Variants in PDE10A observed in about 807,000 individuals in gnomAD.
PDE10A encodes the protein cAMP and cAMP-inhibited cGMP 3',5'-cyclic phosphodiesterase 10A.
A neutral mutation model predicts 97.7 loss-of-function variants in PDE10A; 39 were observed. That is an observed-to-expected ratio of 0.40 (90% CI 0.31 to 0.52). The LOEUF is 0.52. PDE10A is among the 20% of genes least tolerant of loss of function. The pLI is 0.56. For missense variants in PDE10A, 731 were observed against 1,047.8 expected (o/e 0.70, Z 4.17); for synonymous variants, 371 against 376.8 (o/e 0.98, Z 0.18).
At chr6:165,737,438 C>G (rs1792605555) in intron 1 of PDE10A, among the ~76,000 whole-genome samples, 1 of 152,156 alleles carries the variant, frequency 6.6e-6, no homozygotes, top group African/African-American at 2.4e-5. Flanking sequence ...GAGGATTATT[C>G]ACCATGATCA....
intron 1 of PDE10A, among the ~76,000 whole-genome samples, chr6:165,720,191 G>A (rs62424939): frequency 1.3e-5 from 2 of 152,194 alleles, no homozygotes; most frequent in South Asian, 2.1e-4. Flanking sequence ...GATGGGGAGA[G>A]GGGGAGAGAG....
chr6:165,363,254 C>T (rs988883581), intron 18 of PDE10A, among the ~76,000 whole-genome samples: 2 of 152,172 alleles, frequency 1.3e-5, no homozygotes, highest in Non-Finnish European at 2.9e-5. Flanking sequence ...CCATGACTCA[C>T]GCCTGTAATC....
intron 1 of PDE10A, among the ~76,000 whole-genome samples, chr6:165,937,321 T>C (rs1256057828): frequency 6.6e-6 from 1 of 152,252 alleles, no homozygotes; most frequent in Admixed American, 6.5e-5. Flanking sequence ...AGACATTAGC[T>C]AGCATACAGA....
At chr6:165,629,521 CT>C (rs35760840) in intron 1 of PDE10A, among the ~76,000 whole-genome samples, 4,482 of 131,576 alleles carry the variant, frequency 0.034, 226 homozygotes, top group African/African-American at 0.11. Context: ...TATTAACAAC[CT>C]TTTTTTTTTT....
At chr6:165,585,770 C>T (rs1785874299) in intron 1 of PDE10A, among the ~76,000 whole-genome samples, 1 of 152,098 alleles carries the variant, frequency 6.6e-6, no homozygotes, top group Non-Finnish European at 1.5e-5. Context: ...CCACAGGAAA[C>T]TAATATAGGT....
At chr6:165,726,681 C>T (rs924234162) in intron 1 of PDE10A, among the ~76,000 whole-genome samples, 7 of 152,218 alleles carry the variant, frequency 4.6e-5, no homozygotes, top group African/African-American at 7.2e-5. Flanking sequence ...CATGGTTAGA[C>T]CCCACCCAGC....
rs539276206 is a variant in PDE10A, at chr6:165,336,151, G to C, written c.3037C>G (p.Pro1013Ala). 10 of 1,613,850 alleles carry C rather than the reference G, an allele frequency of 6.2e-6. No individual in the cohort carries two copies. The South Asian group carries it at 7.7e-5, about 12-fold the overall frequency. ...CATGCTTTCAGAAGAGGCTCCGTGG[G>C]AGGGAGGATCTGGGTAAGGGTTGTA... ...CYTTLTQILP[P>A]TEPLLKACRD... The change falls in exon 21 of 22, where the codon CCC becomes GCC. Residue 1013 changes from proline (P) to alanine (A), a missense_variant. Pro to Ala is a conservative substitution (Grantham distance 27, BLOSUM62 -1). Around this residue, in one of 8 missense-constraint regions of PDE10A, gnomAD observed 96 missense variants for 156.7 expected, o/e 0.61. Transcript: ENST00000539869.
chr6:165,794,122 C>CAT (rs1191298885), intron 1 of PDE10A, among the ~76,000 whole-genome samples: 1 of 151,634 alleles, frequency 6.6e-6, no homozygotes, highest in Non-Finnish European at 1.5e-5. Flanking sequence ...GGCATACACA[C>CAT]ACACACACAC....
In PDE10A at chr6:165,663,006, A is replaced by C. The variant is rs1367249106; in HGVS notation, c.-195T>G. On this transcript the variant is annotated 5_prime_UTR_variant, in exon 1 of 22. Coordinates refer to ENST00000539869, the MANE Select transcript of PDE10A (RefSeq NM_001385079.1). ...TGTGCTCGGCTTGGGTTGCGGGAGG[A>C]CCCGGGCCTGGGGGCCAGGCCCCGG... Among the ~76,000 whole-genome samples, 2 of 150,182 alleles carry C rather than the reference A, an allele frequency of 1.3e-5. No homozygotes were observed. The highest frequency in any genetic ancestry group is 4.9e-5 in the African/African-American group (2 of 40,766).
upstream of PDE10A, among the ~76,000 whole-genome samples, chr6:165,663,834 C>G (rs1333045052): frequency 6.6e-6 from 1 of 152,210 alleles, no homozygotes; most frequent in Non-Finnish European, 1.5e-5. Context: ...TTGCCATATG[C>G]GGCTCTCTTG....
intron 18 of PDE10A, among the ~76,000 whole-genome samples, chr6:165,358,115 G>T (rs1783149483): frequency 6.6e-6 from 1 of 151,922 alleles, no homozygotes; most frequent in Admixed American, 6.6e-5. Flanking sequence ...CAAATGGTTG[G>T]GGTTTTCCAG....
intron 1 of PDE10A, among the ~76,000 whole-genome samples, chr6:165,945,973 G>A (rs1315108834): frequency 2.6e-5 from 4 of 152,188 alleles, no homozygotes; most frequent in Admixed American, 6.5e-5. Flanking sequence ...ATATCATTTA[G>A]TTGATTGTTT....
intron 1 of PDE10A, among the ~76,000 whole-genome samples, chr6:165,640,681 T>G (rs1467256075): frequency 6.6e-6 from 1 of 152,236 alleles, no homozygotes; most frequent in Non-Finnish European, 1.5e-5. Flanking sequence ...GGATGTCAAG[T>G]GATTTCAAAT....
At chr6:165,386,838 T>TAA (rs1296726151) in intron 17 of PDE10A, among the ~76,000 whole-genome samples, 1 of 113,334 alleles carries the variant, frequency 8.8e-6, no homozygotes, top group African/African-American at 3.3e-5. Context: ...CCAGCTCTAC[T>TAA]AAAAAAAAAA....
rs191010991 is a variant in PDE10A at position 165,924,873 on chromosome 6, T to C, written c.-615+62656A>G. Among the ~76,000 whole-genome samples the C allele has an allele frequency of 6.4e-4, 97 of 152,280 alleles. 1 individual carries two copies. Among genetic ancestry groups the C allele is most frequent in the African/African-American group, 2.1e-3 (89 of 41,550 alleles). The stretch of plus-strand genomic sequence containing the variant: ...CCTAGGGCCAGGCACAGTTCTTAGA[T>C]TGGACACCAAAGGCATGAGTCATTA... On this transcript the variant is annotated intron_variant, in intron 1 of 19. Coordinates refer to the PDE10A transcript ENST00000366882.
At chr6:165,340,811 A>G (rs1781926869) in intron 19 of PDE10A, among the ~76,000 whole-genome samples, 1 of 152,140 alleles carries the variant, frequency 6.6e-6, no homozygotes, top group Non-Finnish European at 1.5e-5. Context: ...GCCTGCACAG[A>G]CAGTGGGCAG....
intron 1 of PDE10A, among the ~76,000 whole-genome samples, chr6:165,920,438 G>A (rs1363184987): frequency 6.6e-6 from 1 of 152,124 alleles, no homozygotes; most frequent in Non-Finnish European, 1.5e-5. Flanking sequence ...GAAATAGGTT[G>A]TAGTAAAATG....
intron 1 of PDE10A, among the ~76,000 whole-genome samples, chr6:165,739,110 G>T (rs1293202976): frequency 6.6e-6 from 1 of 152,038 alleles, no homozygotes; most frequent in Non-Finnish European, 1.5e-5. Flanking sequence ...AATTCCAATG[G>T]CATTTTCCAC....
chr6:165,513,387 G>T (rs1414765959), intron 2 of PDE10A, among the ~76,000 whole-genome samples: 1 of 151,948 alleles, frequency 6.6e-6, no homozygotes, highest in Non-Finnish European at 1.5e-5. Context: ...CTGTTTCATC[G>T]ATTTGTATGC....
Sources: allele counts gnomAD v4.1 joint callset (sites outside exome capture counted in the v4.1 genomes callset), GRCh38; gene constraint gnomAD v4.1.1; regional missense constraint gnomAD v4.1.1; transcripts MANE v1.5; gene names NCBI Gene and HGNC (gene_info 2026-07-23, HGNC 2026-07-21).